Variants in RBFOX1 observed in about 807,000 individuals in gnomAD.
The protein encoded by RBFOX1 is RNA binding fox-1 homolog 1.
In RBFOX1, 8 loss-of-function variants were observed where a neutral mutation model predicts 57.7. The observed-to-expected ratio is 0.14, with a 90% CI of 0.08 to 0.25. The LOEUF (loss-of-function observed/expected upper bound fraction) is 0.25. Among genes scored for constraint, RBFOX1 ranks in the 10% least tolerant of loss-of-function variants. The pLI is 1.00. For synonymous variants in RBFOX1, 326 were observed against 222.4 expected, an observed-to-expected ratio of 1.47 and a Z score of -4.15; for missense variants, 611 against 548.5, an observed-to-expected ratio of 1.11 and a Z score of -1.14.
At chr16:6,382,318 A>G (rs180802503) in intron 2 of RBFOX1, among the ~76,000 whole-genome samples, 38 of 152,282 alleles carry the variant, frequency 2.5e-4, no homozygotes, top group Admixed American at 2.0e-3. Context: ...AATGGCAGTA[A>G]ACACTCATTT....
At chr16:5,307,770 C>A (rs899452585) in intron 1 of RBFOX1, among the ~76,000 whole-genome samples, 3 of 152,276 alleles carry the variant, frequency 2.0e-5, no homozygotes, top group Admixed American at 2.0e-4. Flanking sequence ...AAATCCAGGG[C>A]TTAAGCAATC....
At chr16:6,743,057 C>T (rs935220565) in intron 3 of RBFOX1, among the ~76,000 whole-genome samples, 3 of 152,154 alleles carry the variant, frequency 2.0e-5, no homozygotes, top group Middle Eastern at 3.4e-3. Flanking sequence ...GATAGGGAAA[C>T]AATACTTCTC....
intron 4 of RBFOX1, among the ~76,000 whole-genome samples, chr16:7,433,595 A>C (rs1294425796): frequency 1.3e-5 from 2 of 152,230 alleles, no homozygotes; most frequent in African/African-American, 2.4e-5. Flanking sequence ...ACACAGGTGA[A>C]GCACACTGAC....
At chr16:6,900,159 A>G (rs1008847435) in intron 3 of RBFOX1, among the ~76,000 whole-genome samples, 2 of 150,900 alleles carry the variant, frequency 1.3e-5, no homozygotes, top group Non-Finnish European at 2.9e-5. Context: ...TGGTGGTGGT[A>G]TTGTTCATGT....
chr16:7,050,644 GTTTCT>G (rs1019789505), intron 3 of RBFOX1, among the ~76,000 whole-genome samples: 4 of 151,908 alleles, frequency 2.6e-5, no homozygotes, highest in African/African-American at 4.8e-5. Context: ...TATTTCTGTG[GTTTCT>G]TTTCTTAACA....
intron 12 of RBFOX1, among the ~76,000 whole-genome samples, chr16:7,659,724 C>G (rs975013173): frequency 6.6e-6 from 1 of 152,176 alleles, no homozygotes; most frequent in Non-Finnish European, 1.5e-5. Flanking sequence ...TTGCAGAATT[C>G]TTTTTATAAA....
chr16:6,758,099 A>G (rs1424939243), intron 3 of RBFOX1, among the ~76,000 whole-genome samples: 1 of 152,138 alleles, frequency 6.6e-6, no homozygotes, highest in Non-Finnish European at 1.5e-5. Flanking sequence ...AAAGTTAAGT[A>G]AATGGTCCAA....
At chr16:6,518,711 G>A (rs368915726) in intron 2 of RBFOX1, among the ~76,000 whole-genome samples, 3 of 151,740 alleles carry the variant, frequency 2.0e-5, no homozygotes, top group East Asian at 3.9e-4. Context: ...CTGTCCATCC[G>A]TCCGTCCGTC....
At chr16:6,133,614 C>T (rs1028549601) in intron 1 of RBFOX1, among the ~76,000 whole-genome samples, 1 of 152,178 alleles carries the variant, frequency 6.6e-6, no homozygotes, top group Non-Finnish European at 1.5e-5. Flanking sequence ...TATTTCACTC[C>T]CTACCTAAAA....
intron 2 of RBFOX1, among the ~76,000 whole-genome samples, chr16:5,512,812 G>C (rs67372407): frequency 0.19 from 29,470 of 152,048 alleles, 3,103 homozygotes; most frequent in Middle Eastern, 0.26. Context: ...GATTCCTTTA[G>C]TTCTTGCCTC....
chr16:7,345,719 G>C (rs1038449931), intron 4 of RBFOX1, among the ~76,000 whole-genome samples: 1 of 152,202 alleles, frequency 6.6e-6, no homozygotes, highest in Non-Finnish European at 1.5e-5. Context: ...CATTACTGAG[G>C]ATAATGCAGA....
At chr16:6,102,505 G>C (rs74510375) in intron 1 of RBFOX1, among the ~76,000 whole-genome samples, 1 of 152,050 alleles carries the variant, frequency 6.6e-6, no homozygotes, top group Non-Finnish European at 1.5e-5. Context: ...CACAGGAAAA[G>C]TTTCCTTTCA....
intron 4 of RBFOX1, among the ~76,000 whole-genome samples, chr16:5,887,978 A>C (rs2057942188): frequency 6.6e-6 from 1 of 152,206 alleles, no homozygotes. Flanking sequence ...CAAGACGAGC[A>C]AGGTCCTGCC....
At chr16:6,616,630 G>C (rs781084039) in intron 2 of RBFOX1, among the ~76,000 whole-genome samples, 66 of 152,286 alleles carry the variant, frequency 4.3e-4, no homozygotes, top group African/African-American at 1.5e-3. Flanking sequence ...AGCCGAGATC[G>C]TGCCACTGCA....
chr16:7,157,517 A>G (rs987652560), intron 4 of RBFOX1, among the ~76,000 whole-genome samples: 5 of 152,110 alleles, frequency 3.3e-5, no homozygotes, highest in African/African-American at 1.2e-4. Flanking sequence ...CTGTGGAACT[A>G]TTCAGAATCC....
At position 6,359,153 on chromosome 16, in the gene RBFOX1, C is replaced by T. The variant is rs924609401; in HGVS notation, c.-64+42096C>T. On this transcript the variant is annotated intron_variant, in intron 2 of 15. Transcript: ENST00000550418. ...TGTCACCCAGGCTGGAGTGCAGTGG[C>T]ACGATCTCAGCTCACTGCAACCTCT... is the stretch of plus-strand genomic sequence containing the variant. Among the ~76,000 whole-genome samples the T allele has an allele frequency of 2.4e-4, 36 of 152,196 alleles. No individual in the cohort carries two copies. The South Asian group carries it at 3.1e-3, about 13-fold the overall frequency.
chr16:5,726,981 G>A (rs979426497), intron 3 of RBFOX1, among the ~76,000 whole-genome samples: 2 of 152,296 alleles, frequency 1.3e-5, no homozygotes, highest in Admixed American at 6.5e-5. Flanking sequence ...TGTGAAGGCC[G>A]GGCATGGTGG....
At chr16:7,256,014 C>T (rs2094665875) in intron 4 of RBFOX1, among the ~76,000 whole-genome samples, 1 of 152,176 alleles carries the variant, frequency 6.6e-6, no homozygotes, top group South Asian at 2.1e-4. Flanking sequence ...GTCTTATTTG[C>T]ATTTCCCAAA....
chr16:5,779,298 T>G (rs768719026), intron 3 of RBFOX1, among the ~76,000 whole-genome samples: 4 of 152,202 alleles, frequency 2.6e-5, no homozygotes. Context: ...TTGTGAAAAG[T>G]TAAGATGCAT....
Sources: allele counts gnomAD v4.1 joint callset (sites outside exome capture counted in the v4.1 genomes callset), GRCh38; gene constraint gnomAD v4.1.1; transcripts MANE v1.5; gene names NCBI Gene and HGNC (gene_info 2026-07-23, HGNC 2026-07-21).